Variants in VDAC3 observed in about 807,000 individuals in gnomAD.
VDAC3 encodes voltage dependent anion channel 3, also known as non-selective voltage-gated ion channel VDAC3.
VDAC3 carries 7 observed loss-of-function variants against 33.9 expected under a neutral mutation model. The observed-to-expected ratio is 0.21, with a 90% confidence interval of 0.12 to 0.39. VDAC3 has a LOEUF of 0.39. VDAC3 is among the 10% of genes least tolerant of loss of function. The pLI, the probability that VDAC3 is intolerant of heterozygous loss-of-function variation, is 1.00. For synonymous variants in VDAC3, 100 were observed against 122.4 expected (o/e 0.82, Z 1.21); for missense variants, 261 against 334.5 (o/e 0.78, Z 1.71).
intron 3 of VDAC3, 65 bp from the exon 4 acceptor site, chr8:42,395,019 G>C: frequency 6.2e-7 from 1 of 1,602,126 alleles, no homozygotes; most frequent in South Asian, 1.1e-5. Flanking sequence ...TAATTTCTGA[G>C]TTGCAAAAAC....
chr8:42,404,298 T>A (rs1802465202), intron 8 of VDAC3, among the ~76,000 whole-genome samples: 1 of 152,164 alleles, frequency 6.6e-6, no homozygotes, highest in Non-Finnish European at 1.5e-5. Flanking sequence ...GTAACCACTG[T>A]GAGAGATTGT....
rs984871756 is a variant in VDAC3 at position 42,403,458 on chromosome 8, C to T, written c.699C>T (p.Leu233=). 6.4e-7 allele frequency: 1 copy of T among 1,574,598 alleles called. No homozygotes were observed. Among genetic ancestry groups the T allele is most frequent in the South Asian group, 1.2e-5 (1 of 83,480 alleles). Reference sequence around the variant, plus strand: ...ACATGCTGGATTGTAGAACTTCTCTCTCTGTAAGAATGTGCTGCCAGATTG... The same window carrying T: ...ACATGCTGGATTGTAGAACTTCTCTTTCTGTAAGAATGTGCTGCCAGATTG... ...AKYMLDCRTS[L]SAKVNNASLI... The change falls in exon 8 of 10, where the codon CTC becomes CTT. Residue 233 remains leucine, a synonymous_variant. Transcript: ENST00000022615.
At chr8:42,402,157 C>A in intron 7 of VDAC3, 142 bp downstream of exon 7, 1 of 937,088 alleles carries the variant, frequency 1.1e-6, no homozygotes, top group South Asian at 1.6e-5. Context: ...CATAGCAAAA[C>A]CTTGCCAGGA....
chr8:42,393,972 A>G (rs1188233551), intron 2 of VDAC3, 88 bp downstream of exon 2: 17 of 477,876 alleles, frequency 3.6e-5, no homozygotes, highest in African/African-American at 2.4e-4. Flanking sequence ...TTGAAATGCA[A>G]TCAGAAAGAT....
chr8:42,399,583 A>G, intron 5 of VDAC3, 68 bp from the exon 6 acceptor site: 2 of 1,425,154 alleles, frequency 1.4e-6, no homozygotes, highest in Non-Finnish European at 1.9e-6. Context: ...AAACTTTAGA[A>G]TTGGTTTCTT....
chr8:42,395,573 T>A (rs565325136), intron 4 of VDAC3, among the ~76,000 whole-genome samples: 2 of 152,364 alleles, frequency 1.3e-5, no homozygotes, highest in South Asian at 4.1e-4. Context: ...TGTACATTAT[T>A]CTACAGTTTT....
chr8:42,402,158 C>T, intron 7 of VDAC3, 143 bp downstream of exon 7: 2 of 928,270 alleles, frequency 2.2e-6, no homozygotes, highest in East Asian at 5.3e-5. Context: ...ATAGCAAAAC[C>T]TTGCCAGGAG....
intron 6 of VDAC3, among the ~76,000 whole-genome samples, chr8:42,400,063 C>T (rs775272237): frequency 5.9e-4 from 89 of 152,118 alleles, no homozygotes; most frequent in Non-Finnish European, 7.2e-4. Context: ...TTTGGCTGGG[C>T]GTGGTGGCTC....
Position 42,405,476 on chromosome 8 carries a change from A to G in VDAC3, c.*14A>G, listed in dbSNP as rs1585955234. 1 of 1,607,812 alleles carries G rather than the reference A, an allele frequency of 6.2e-7. No individual in the cohort carries two copies. ...CTGGAAGCTTAATGTGGTTTGAGGAAAGCATCAGATTTGTCCCTGGAAGTG... is the reference window on the plus strand; with the variant it reads ...CTGGAAGCTTAATGTGGTTTGAGGAGAGCATCAGATTTGTCCCTGGAAGTG... On this transcript the variant is annotated 3_prime_UTR_variant, in exon 10 of 10. Coordinates refer to ENST00000022615, the MANE Select transcript of VDAC3 (RefSeq NM_005662.7).
intron 4 of VDAC3, 108 bp from the exon 5 acceptor site, chr8:42,398,604 C>A: frequency 8.4e-7 from 1 of 1,195,866 alleles, no homozygotes; most frequent in Non-Finnish European, 1.1e-6. Flanking sequence ...AGGGCTGTGG[C>A]AAGCAGTAAA....
intron 5 of VDAC3, 173 bp from the exon 6 acceptor site, chr8:42,399,477 TG>T: frequency 2.0e-6 from 1 of 498,068 alleles, no homozygotes; most frequent in Non-Finnish European, 3.6e-6. Context: ...TGATGAAGGC[TG>T]GGGTGAGGGG....
intron 9 of VDAC3, 148 bp downstream of exon 9, chr8:42,405,072 T>G (rs1402959740): frequency 2.6e-6 from 2 of 769,844 alleles, no homozygotes; most frequent in African/African-American, 1.8e-5. Flanking sequence ...ACAATACAGA[T>G]CAAATACTTT....
Position 42,401,978 on chromosome 8 carries a change from G to A in VDAC3, c.514G>A (p.Gly172Ser). 1 of 1,614,190 alleles carries A rather than the reference G, an allele frequency of 6.2e-7. No homozygotes were observed. The highest frequency in any genetic ancestry group is 8.5e-7 in the Non-Finnish European group (1 of 1,180,036). ...ACTGTCACAGAATAATTTCGCCCTG[G>A]GTTACAAGGCTGCGGACTTCCAGCT... The part of the protein sequence containing the change: ...SKLSQNNFAL[G>S]YKAADFQLHT... Residue 172 changes from glycine (G) to serine (S), a missense_variant, in exon 7 of 10, where the codon GGT becomes AGT. Transcript: ENST00000022615.
chr8:42,403,455 T>C lies in VDAC3; in HGVS notation c.696T>C (p.Ser232=). The C allele has an allele frequency of 6.3e-7, 1 of 1,577,746 alleles. No homozygotes were observed. The highest frequency in any genetic ancestry group is 8.6e-7 in the Non-Finnish European group (1 of 1,166,032). Residue 232 remains serine (S), a synonymous_variant, in exon 8 of 10, where the codon TCT becomes TCC. Coordinates refer to ENST00000022615, the MANE Select transcript of VDAC3 (RefSeq NM_005662.7). ...AGTACATGCTGGATTGTAGAACTTC[T>C]CTCTCTGTAAGAATGTGCTGCCAGA... ...AAKYMLDCRT[S]LSAKVNNASL...
chr8:42,405,014 G>C, intron 9 of VDAC3, 90 bp downstream of exon 9: 1 of 1,213,534 alleles, frequency 8.2e-7, no homozygotes, highest in African/African-American at 1.5e-5. Context: ...TGTAGTCACT[G>C]TAAGTTGATT....
Position 42,403,156 on chromosome 8 carries a change from GTGTTT to G in VDAC3, c.552-149_552-145del, listed in dbSNP as rs578046908. The G allele has an allele frequency of 1.1e-3, 832 of 756,834 alleles. 3 individuals are homozygous for G. The highest frequency in any genetic ancestry group is 4.6e-3 in the Middle Eastern group (12 of 2,622). The allele number at this position is 756,834 out of a possible 1,614,324, so 46.9% of individuals were successfully genotyped here. A position where few individuals can be genotyped will look rare whatever the true frequency, so the allele number is the denominator to read the frequency against. Reference sequence around the variant, plus strand: ...TACTGGCATAGCTGGATTTAGTTCTGTGTTTTGTTTAGTAGTCATTTATGCTAGAA... The same window carrying G: ...TACTGGCATAGCTGGATTTAGTTCTGTGTTTAGTAGTCATTTATGCTAGAA... On this transcript the variant is annotated intron_variant, in intron 7 of 9. Transcript: ENST00000022615.
At position 42,393,843 on chromosome 8, in the gene VDAC3, A is replaced by C; in HGVS notation, c.-42-2A>C. 1 of 419,552 alleles carries C rather than the reference A, an allele frequency of 2.4e-6. No individual in the cohort carries two copies. Among genetic ancestry groups the C allele is most frequent in the Non-Finnish European group, 4.2e-6 (1 of 237,284 alleles). The allele number at this position is 419,552 out of a possible 1,614,324, so 26.0% of individuals were successfully genotyped here. A position where few individuals can be genotyped will look rare whatever the true frequency, so the allele number is the denominator to read the frequency against. Reference sequence around the variant, plus strand: ...AAAAATTTCCATTGTTGTCTTATACAGGTCTTTGGTTTCATAAGAGCCTGA... The same window carrying C: ...AAAAATTTCCATTGTTGTCTTATACCGGTCTTTGGTTTCATAAGAGCCTGA... On this transcript the variant is annotated splice_acceptor_variant, in intron 1 of 9. Coordinates refer to ENST00000022615, the MANE Select transcript of VDAC3 (RefSeq NM_005662.7). LOFTEE classifies it low-confidence loss of function (5UTR_SPLICE).
At chr8:42,405,288 T>C in intron 9 of VDAC3, 83 bp from the exon 10 acceptor site, 2 of 1,160,602 alleles carry the variant, frequency 1.7e-6, no homozygotes, top group Non-Finnish European at 1.3e-6. Context: ...ATCCACACCA[T>C]TGATTCCATC....
At chr8:42,401,673 A>G (rs897818935) in intron 6 of VDAC3, 115 bp from the exon 7 acceptor site, 2 of 939,742 alleles carry the variant, frequency 2.1e-6, no homozygotes, top group African/African-American at 3.3e-5. Context: ...GGCATGTACC[A>G]AAATAATATT....
Sources: gnomAD v4.1 joint callset for allele counts (sites outside exome capture counted in the v4.1 genomes callset) on GRCh38, gnomAD v4.1.1 for gene constraint, MANE v1.5 for transcripts, NCBI Gene and HGNC (gene_info 2026-07-23, HGNC 2026-07-21) for gene names.